Variants in TSC22D1 observed in about 807,000 individuals in gnomAD.
The protein encoded by TSC22D1 is TSC22 domain family protein 1.
A neutral mutation model predicts 74.2 loss-of-function variants in TSC22D1; 9 were observed. That is an observed-to-expected ratio of 0.12 (90% CI 0.07 to 0.21). TSC22D1 has a LOEUF of 0.21. Ranked by LOEUF, TSC22D1 falls within the 10% of genes least tolerant of loss-of-function variation. The pLI is 1.00. For missense variants in TSC22D1, 1,427 were observed against 1,304.7 expected, an observed-to-expected ratio of 1.09 and a Z score of -1.44; for synonymous variants, 586 against 492.5, an observed-to-expected ratio of 1.19 and a Z score of -2.51.
chr13:44,499,381 T>C (rs753098492), intron 1 of TSC22D1, among the ~76,000 whole-genome samples: 21 of 152,206 alleles, frequency 1.4e-4, no homozygotes, highest in Admixed American at 1.1e-3. Flanking sequence ...CCTTGATGAC[T>C]AGAGATAAAT....
chr13:44,521,565 A>G (rs1320104332), intron 1 of TSC22D1, among the ~76,000 whole-genome samples: 1 of 152,094 alleles, frequency 6.6e-6, no homozygotes, highest in Non-Finnish European at 1.5e-5. Context: ...AGTGGTATAA[A>G]GGGGGTATAT....
intron 1 of TSC22D1, among the ~76,000 whole-genome samples, chr13:44,529,534 G>A (rs1218307234): frequency 6.6e-6 from 1 of 152,052 alleles, no homozygotes. Flanking sequence ...TTGGGAACAA[G>A]ACAAGGATGT....
chr13:44,465,909 G>T (rs746855872), intron 1 of TSC22D1, among the ~76,000 whole-genome samples: 2 of 152,098 alleles, frequency 1.3e-5, no homozygotes, highest in Non-Finnish European at 2.9e-5. Flanking sequence ...GGAGGCAGAG[G>T]TTGCAGTGAG....
intron 1 of TSC22D1, among the ~76,000 whole-genome samples, chr13:44,473,527 T>C (rs1033000836): frequency 1.3e-5 from 2 of 151,922 alleles, no homozygotes; most frequent in Non-Finnish European, 2.9e-5. Context: ...TAAATAAAAA[T>C]AAAACTGTAC....
At chr13:44,496,924 G>T (rs1447988383) in intron 1 of TSC22D1, among the ~76,000 whole-genome samples, 1 of 152,030 alleles carries the variant, frequency 6.6e-6, no homozygotes, top group Non-Finnish European at 1.5e-5. Context: ...AACAAGTGTT[G>T]GTGAGGATGA....
intron 1 of TSC22D1, among the ~76,000 whole-genome samples, chr13:44,443,527 C>A (rs1037524065): frequency 2.6e-5 from 4 of 152,102 alleles, no homozygotes; most frequent in Non-Finnish European, 5.9e-5. Context: ...AATACAAAAA[C>A]TTTTCCCCCT....
chr13:44,531,060 A>G (rs931629993), intron 1 of TSC22D1, among the ~76,000 whole-genome samples: 1 of 152,204 alleles, frequency 6.6e-6, no homozygotes, highest in Non-Finnish European at 1.5e-5. Context: ...CGTGACATGT[A>G]TTTGACAGAA....
intron 1 of TSC22D1, among the ~76,000 whole-genome samples, chr13:44,544,209 A>G (rs1046963718): frequency 6.6e-6 from 1 of 152,220 alleles, no homozygotes; most frequent in African/African-American, 2.4e-5. Flanking sequence ...TTATCCTGAG[A>G]GATGATACAA....
chr13:44,479,629 C>T (rs1402373134), intron 1 of TSC22D1, among the ~76,000 whole-genome samples: 1 of 152,152 alleles, frequency 6.6e-6, no homozygotes, highest in East Asian at 1.9e-4. Flanking sequence ...CAGCCACATA[C>T]ACCAGCATTC....
chr13:44,452,648 C>A, intron 1 of TSC22D1: 1 of 155,412 alleles, frequency 6.4e-6, no homozygotes. Flanking sequence ...TGGTGATGCC[C>A]CCCCAGTACC....
intron 1 of TSC22D1, among the ~76,000 whole-genome samples, chr13:44,532,578 ATTCTCC>A: frequency 6.6e-6 from 1 of 152,076 alleles, no homozygotes; most frequent in South Asian, 2.1e-4. Context: ...GGTCCTCGCC[ATTCTCC>A]TGCCTCAGCC....
chr13:44,534,524 T>A (rs568354097), intron 1 of TSC22D1, among the ~76,000 whole-genome samples: 1 of 152,164 alleles, frequency 6.6e-6, no homozygotes, highest in Non-Finnish European at 1.5e-5. Flanking sequence ...TATTTTCCTA[T>A]CTTGTCCATA....
intron 1 of TSC22D1, among the ~76,000 whole-genome samples, chr13:44,569,785 C>T (rs1312384114): frequency 6.6e-6 from 1 of 151,954 alleles, no homozygotes; most frequent in East Asian, 1.9e-4. Flanking sequence ...CTGCATCTCT[C>T]ACAATTGTGC....
chr13:44,473,836 CAATAT>C (rs1227577068), intron 1 of TSC22D1, among the ~76,000 whole-genome samples: 1 of 152,072 alleles, frequency 6.6e-6, no homozygotes, highest in Non-Finnish European at 1.5e-5. Context: ...TAGAAAGGCT[CAATAT>C]AATACTCAAT....
In TSC22D1 at chr13:44,441,622, G is replaced by A. The variant is rs992686468; in HGVS notation, c.2913-5527C>T. On this transcript the variant is annotated intron_variant, in intron 1 of 2. Coordinates refer to ENST00000458659, the MANE Select transcript of TSC22D1 (RefSeq NM_183422.4). ...AAGTATAAATATATTACATAGAAATGTGGAGGTAAAAATGAGAAAAAACAA... is the reference window on the plus strand; with the variant it reads ...AAGTATAAATATATTACATAGAAATATGGAGGTAAAAATGAGAAAAAACAA... Among the ~76,000 whole-genome samples the A allele has an allele frequency of 1.3e-5, 2 of 152,250 alleles. 1 individual carries two copies. Among genetic ancestry groups the A allele is most frequent in the East Asian group, 3.9e-4 (2 of 5,172 alleles).
intron 1 of TSC22D1, among the ~76,000 whole-genome samples, chr13:44,505,997 G>C (rs1879430183): frequency 6.6e-6 from 1 of 152,150 alleles, no homozygotes; most frequent in African/African-American, 2.4e-5. Context: ...GACTCAGAGA[G>C]GTTAAGTAAC....
At chr13:44,538,267 A>T in intron 1 of TSC22D1, 1 of 985,338 alleles carries the variant, frequency 1.0e-6, no homozygotes, top group Non-Finnish European at 1.2e-6. Flanking sequence ...TATTTCTTCT[A>T]CTTCTCTATT....
intron 1 of TSC22D1, among the ~76,000 whole-genome samples, chr13:44,445,596 G>C (rs1875572011): frequency 6.6e-6 from 1 of 151,902 alleles, no homozygotes; most frequent in Non-Finnish European, 1.5e-5. Context: ...ACAAACTATA[G>C]ACCAGAATTA....
chr13:44,538,696 C>G (rs1197660773), intron 1 of TSC22D1: 1 of 985,214 alleles, frequency 1.0e-6, no homozygotes, highest in Non-Finnish European at 1.2e-6. Context: ...CAGAGTAATT[C>G]TTAAAAGTTT....
Sources: allele counts gnomAD v4.1 joint callset (sites outside exome capture counted in the v4.1 genomes callset), GRCh38; gene constraint gnomAD v4.1.1; transcripts MANE v1.5; gene names NCBI Gene and HGNC (gene_info 2026-07-23, HGNC 2026-07-21).